Variants in STK11IP observed in about 807,000 individuals in gnomAD.
STK11IP encodes serine/threonine-protein kinase 11-interacting protein.
Under a neutral mutation model 131.7 loss-of-function variants are expected in STK11IP, and 103 were observed. The observed-to-expected ratio is 0.78, with a 90% CI of 0.67 to 0.92. STK11IP has a LOEUF of 0.92. Among genes scored for constraint, STK11IP ranks in the 40% least tolerant of loss-of-function variants. The probability of loss-of-function intolerance (pLI) is 0.00; values close to 1 mark genes in which losing one functional copy is unlikely to be tolerated. For synonymous variants in STK11IP, 557 were observed against 575.6 expected (o/e 0.97, Z 0.46); for missense variants, 1,315 against 1,385.7 (o/e 0.95, Z 0.81).
In STK11IP at chr2:219,601,973, C is replaced by G; in HGVS notation, c.343-15C>G. ...GTGGGGTTCTGCCTTCCTCCCTCCT[C>G]TTTCCTTGTCCCAGCTCCGAGGTGT... On this transcript the variant is annotated splice_polypyrimidine_tract_variant and intron_variant, in intron 4 of 24. Transcript: ENST00000456909. 1 of 1,602,436 alleles carries G rather than the reference C, an allele frequency of 6.2e-7. No individual in the cohort carries two copies. Among genetic ancestry groups the G allele is most frequent in the Non-Finnish European group, 8.5e-7 (1 of 1,174,134 alleles).
At position 219,614,487 on chromosome 2, in the gene STK11IP, A is replaced by G. The variant is rs772237207; in HGVS notation, c.2810A>G (p.Glu937Gly). Reference sequence around the variant, plus strand: ...CATATTCCCTCTAGGCCATTGCTGGAAAAAGACTCATCCTTGGAGGCTCGC... The same window carrying G: ...CATATTCCCTCTAGGCCATTGCTGGGAAAAGACTCATCCTTGGAGGCTCGC... ...TPQHRLWPLL[E>G]KDSSLEARQF... The change falls in exon 23 of 25, where the codon GAA becomes GGA. Residue 937 changes from glutamate to glycine, a missense_variant. Physicochemically the swap from Glu to Gly is moderately conservative, Grantham distance 98. Transcript: ENST00000456909. 3.7e-6 allele frequency: 6 copies of G among 1,613,776 alleles called. No homozygotes were observed. Among genetic ancestry groups the G allele is most frequent in the Non-Finnish European group, 5.1e-6 (6 of 1,179,844 alleles).
chr2:219,599,141 T>A (rs1298589665), intron 2 of STK11IP, among the ~76,000 whole-genome samples: 1 of 152,184 alleles, frequency 6.6e-6, no homozygotes, highest in Non-Finnish European at 1.5e-5. Context: ...CAGGCTGGAG[T>A]GCAGTGGCGC....
intron 6 of STK11IP, 48 bp downstream of exon 6, chr2:219,602,623 C>T (rs766635955): frequency 2.1e-5 from 34 of 1,610,784 alleles, no homozygotes; most frequent in Non-Finnish European, 2.6e-5. Flanking sequence ...CAAGGCCAGG[C>T]CTTTGGGGAG....
chr2:219,613,300 A>C, intron 20 of STK11IP, 75 bp downstream of exon 20: 1 of 9,508 alleles, frequency 1.1e-4, no homozygotes, highest in East Asian at 3.6e-3. Context: ...AGTGAGGGGG[A>C]AGATGGGGTG....
intron 15 of STK11IP, 45 bp from the exon 16 acceptor site, chr2:219,609,052 C>A (rs1324457335): frequency 1.4e-6 from 2 of 1,426,736 alleles, no homozygotes; most frequent in Admixed American, 2.0e-5. Flanking sequence ...TCCCTCTGAT[C>A]ACCGCCCCTG....
At chr2:219,613,273 T>C (rs756818801) in intron 20 of STK11IP, 48 bp downstream of exon 20, 16 of 370,956 alleles carry the variant, frequency 4.3e-5, no homozygotes, top group Non-Finnish European at 6.1e-5. Flanking sequence ...ATGGGGTGAG[T>C]TGGGGGGAGA....
In STK11IP at chr2:219,606,734, GCC is replaced by G; in HGVS notation, c.1013_1014del (p.Pro338HisfsTer14). ...CAGACTCACACATCCTTGGGGCTCAGCCCCATGGGCCCACCTTTGCCCTGGCC... is the reference window on the plus strand; with the variant it reads ...CAGACTCACACATCCTTGGGGCTCAGCCATGGGCCCACCTTTGCCCTGGCC... On this transcript the variant is annotated frameshift_variant, in exon 12 of 25. Transcript: ENST00000456909. LOFTEE classifies it high-confidence loss of function. The G allele has an allele frequency of 6.2e-7, 1 of 1,612,526 alleles. No homozygotes were observed. Among genetic ancestry groups the G allele is most frequent in the Non-Finnish European group, 8.5e-7 (1 of 1,179,070 alleles).
At position 219,608,286 on chromosome 2, in the gene STK11IP, T is replaced by A; in HGVS notation, c.1459T>A (p.Ser487Thr). ...CCCCCAGGAGTCACCACAGAAAATG[T>A]CAGAGGAGGTCAGGGCGGAGCCACA... ...RGPQESPQKM[S>T]EEVRAEPQEE... The change falls in exon 14 of 25, where the codon TCA becomes ACA. Residue 487 changes from serine (S) to threonine (T), a missense_variant. Transcript: ENST00000456909. The A allele has an allele frequency of 6.2e-7, 1 of 1,611,630 alleles. No individual in the cohort carries two copies. The highest frequency in any genetic ancestry group is 8.5e-7 in the Non-Finnish European group (1 of 1,179,240).
At chr2:219,608,896 A>C in intron 15 of STK11IP, 108 bp downstream of exon 15, 4 of 1,277,398 alleles carry the variant, frequency 3.1e-6, no homozygotes, top group Non-Finnish European at 4.3e-6. Flanking sequence ...TGGCACTAGG[A>C]GCCGAGGAGG....
chr2:219,601,733 G>A lies in STK11IP; in HGVS notation c.342+18G>A, dbSNP rs761062973. On this transcript the variant is annotated intron_variant, in intron 4 of 24. Transcript: ENST00000456909. ...ACCTGGAGGTATGGGGACACGGGGG[G>A]ATGTTGGTGCACAGCACCCAACTTG... 3.6e-5 allele frequency: 57 copies of A among 1,587,560 alleles called. No homozygotes were observed. Among genetic ancestry groups the A allele is most frequent in the Non-Finnish European group, 4.4e-5 (51 of 1,165,678 alleles).
intron 6 of STK11IP, 28 bp downstream of exon 6, chr2:219,602,603 C>G: frequency 6.2e-7 from 1 of 1,612,142 alleles, no homozygotes; most frequent in Non-Finnish European, 8.5e-7. Flanking sequence ...AAGAGGGTTT[C>G]GAGGAAGGGC....
In STK11IP at chr2:219,614,233, A is replaced by G; in HGVS notation, c.2789A>G (p.His930Arg). 1 of 1,613,298 alleles carries G rather than the reference A, an allele frequency of 6.2e-7. No individual in the cohort carries two copies. The highest frequency in any genetic ancestry group is 8.5e-7 in the Non-Finnish European group (1 of 1,179,742). ...ACAGAGGAGGAGGTCACCCCCCAGC[A>G]CCGGCTCTGGTGAGTCGATAGGAGG... ...SATEEEVTPQ[H>R]RLWPLLEKDS... Residue 930 changes from histidine to arginine, a missense_variant, in exon 22 of 25, where the codon CAC becomes CGC. By Grantham distance (29) the His-to-Arg change is conservative (BLOSUM62 0). Transcript: ENST00000456909.
chr2:219,615,040 C>G, intron 23 of STK11IP, 54 bp from the exon 24 acceptor site: 1 of 1,568,340 alleles, frequency 6.4e-7, no homozygotes, highest in Non-Finnish European at 8.6e-7. Flanking sequence ...ACGCTGGCCC[C>G]AGGGATCTGG....
At position 219,597,873 on chromosome 2, in the gene STK11IP, T is replaced by C. The variant is rs763435871; in HGVS notation, c.-77T>C. ...CGGGGCGGGACTTCCTTTCCATCAT[T>C]GATAGGCGCCGGGCAGCTGAGCTGG... On this transcript the variant is annotated 5_prime_UTR_variant, in exon 1 of 25. Coordinates refer to ENST00000456909, the MANE Select transcript of STK11IP (RefSeq NM_052902.4). 2 of 1,604,340 alleles carry C rather than the reference T, an allele frequency of 1.2e-6. No individual in the cohort carries two copies. Among genetic ancestry groups the C allele is most frequent in the East Asian group, 2.3e-5 (1 of 43,926 alleles).
intron 23 of STK11IP, chr2:219,614,790 C>G (rs1361063508): frequency 5.9e-6 from 4 of 677,572 alleles, no homozygotes; most frequent in Non-Finnish European, 1.1e-5. Context: ...CCCAGGCTTT[C>G]TATGAAGTGG....
In STK11IP at chr2:219,598,304, A is replaced by G. The variant is rs985990911; in HGVS notation, c.61+124A>G. 6.4e-5 allele frequency: 44 copies of G among 687,020 alleles called. 1 individual carries two copies. Among genetic ancestry groups the G allele is most frequent in the Non-Finnish European group, 9.3e-6 (4 of 428,522 alleles). The allele number at this position is 687,020 out of a possible 1,614,324, so 42.6% of individuals were successfully genotyped here. The stretch of plus-strand genomic sequence containing the variant: ...TAGGGTCACCAGGTGTCAGAGTTCA[A>G]TTTCTTTACTTTTCCCAGGTTTGTT... On this transcript the variant is annotated intron_variant, in intron 2 of 24. Coordinates refer to ENST00000456909, the MANE Select transcript of STK11IP (RefSeq NM_052902.4).
rs752695207 is a variant in STK11IP, at chr2:219,611,996, C to T, written c.2377C>T (p.Arg793Trp). ...CGLRSVDHRLRLFLDVEVFSD... is the reference protein window; with the variant it reads ...CGLRSVDHRLWLFLDVEVFSD... Reference sequence around the variant, plus strand: ...CCTCCGCTCTGTGGACCACCGACTCCGGCTCTTCCTGGATGTTGAGGTGTT... The same window carrying T: ...CCTCCGCTCTGTGGACCACCGACTCTGGCTCTTCCTGGATGTTGAGGTGTT... The change falls in exon 19 of 25, where the codon CGG (arginine) becomes TGG (tryptophan). Residue 793 changes from arginine (R) to tryptophan (W), a missense_variant. Coordinates refer to ENST00000456909, the MANE Select transcript of STK11IP (RefSeq NM_052902.4). The T allele has an allele frequency of 2.3e-5, 37 of 1,604,672 alleles. No individual in the cohort carries two copies. The highest frequency in any genetic ancestry group is 9.4e-5 in the African/African-American group (7 of 74,804).
Position 219,613,194 on chromosome 2 carries a change from C to A in STK11IP, c.2506C>A (p.Leu836Met). The A allele has an allele frequency of 6.2e-7, 1 of 1,602,644 alleles. No homozygotes were observed. Among genetic ancestry groups the A allele is most frequent in the South Asian group, 1.1e-5 (1 of 90,846 alleles). Residue 836 changes from leucine (L) to methionine (M), a missense_variant, in exon 20 of 25, where the codon CTG (leucine) becomes ATG (methionine). Coordinates refer to ENST00000456909, the MANE Select transcript of STK11IP (RefSeq NM_052902.4). ...MCLVVVSDRR[L>M]YLLKVTGEMR... ...CCTTGTGGTTGTGTCTGACCGCAGG[C>A]TGTACCTGTTGAAGGTGACTGGGGA...
intron 1 of STK11IP, 72 bp from the exon 2 acceptor site, chr2:219,598,022 T>A: frequency 6.4e-7 from 1 of 1,573,928 alleles, no homozygotes; most frequent in Non-Finnish European, 8.6e-7. Context: ...ACGCCTCGGT[T>A]TGCGCGGACG....
Sources: allele counts gnomAD v4.1 joint callset (sites outside exome capture counted in the v4.1 genomes callset), GRCh38; gene constraint gnomAD v4.1.1; transcripts MANE v1.5; gene names NCBI Gene and HGNC (gene_info 2026-07-23, HGNC 2026-07-21).